HNRNPLL: variants seen among roughly 807,000 people sequenced by gnomAD.
HNRNPLL encodes the protein heterogeneous nuclear ribonucleoprotein L-like.
A neutral mutation model predicts 67.1 loss-of-function variants in HNRNPLL; 25 were observed. The observed-to-expected ratio is 0.37, with a 90% confidence interval of 0.27 to 0.52. HNRNPLL has a LOEUF of 0.52. HNRNPLL is among the 20% of genes least tolerant of loss of function. HNRNPLL has a pLI of 0.90. For missense variants in HNRNPLL, 542 were observed against 673.9 expected, an observed-to-expected ratio of 0.80 and a Z score of 2.17; for synonymous variants, 267 against 241.7, an observed-to-expected ratio of 1.10 and a Z score of -0.97.
chr2:38,593,845 GGAGT>G (rs1667064572), intron 1 of HNRNPLL, among the ~76,000 whole-genome samples: 1 of 134,138 alleles, frequency 7.5e-6, no homozygotes, highest in Admixed American at 7.3e-5. Flanking sequence ...ACTGGGCGAC[GGAGT>G]GAGACTCCGT....
intron 2 of HNRNPLL, among the ~76,000 whole-genome samples, chr2:38,589,410 G>C (rs977828426): frequency 6.6e-6 from 1 of 152,132 alleles, no homozygotes; most frequent in Non-Finnish European, 1.5e-5. Flanking sequence ...ATTTCTATTG[G>C]AAGCTGTTCA....
chr2:38,575,285 G>A (rs1666258093), intron 7 of HNRNPLL, among the ~76,000 whole-genome samples: 1 of 151,724 alleles, frequency 6.6e-6, no homozygotes, highest in African/African-American at 2.4e-5. Flanking sequence ...ATTGATAATA[G>A]AAAGTCTGGG....
intron 7 of HNRNPLL, among the ~76,000 whole-genome samples, chr2:38,576,128 A>G (rs1411991060): frequency 6.6e-6 from 1 of 151,798 alleles, no homozygotes; most frequent in Non-Finnish European, 1.5e-5. Context: ...AGGCAGACTT[A>G]CACTAAGAAA....
chr2:38,599,561 A>G (rs560628807), intron 1 of HNRNPLL, among the ~76,000 whole-genome samples: 1 of 152,204 alleles, frequency 6.6e-6, no homozygotes, highest in African/African-American at 2.4e-5. Flanking sequence ...GAAAAACCCT[A>G]GGAGTTTTTT....
Position 38,565,031 on chromosome 2 carries a change from CA to C in HNRNPLL, c.1574-795del, listed in dbSNP as rs1665803203. Reference sequence around the variant, plus strand: ...AAACAAACCAACTGGGTATACTTCACAAAAATATTTCCATTTTGTAAATTTT... The same window carrying C: ...AAACAAACCAACTGGGTATACTTCACAAAATATTTCCATTTTGTAAATTTT... On this transcript the variant is annotated intron_variant, in intron 12 of 12. Coordinates refer to ENST00000449105, the MANE Select transcript of HNRNPLL (RefSeq NM_138394.4). 2.7e-5 allele frequency among the ~76,000 whole-genome samples: 4 copies of C among 150,102 alleles called. No individual in the cohort carries two copies. The East Asian group carries it at 7.8e-4, about 29-fold the overall frequency.
At chr2:38,568,998 T>C in intron 10 of HNRNPLL, 135 bp downstream of exon 10, 1 of 667,230 alleles carries the variant, frequency 1.5e-6, no homozygotes, top group Non-Finnish European at 2.6e-6. Context: ...GAATAAACTA[T>C]CCAGTACCAA....
chr2:38,574,765 T>C (rs1666234955), intron 7 of HNRNPLL, among the ~76,000 whole-genome samples: 1 of 151,804 alleles, frequency 6.6e-6, no homozygotes, highest in Non-Finnish European at 1.5e-5. Context: ...GGTCATGGAT[T>C]TCAACTACTC....
rs543206418 is a variant in HNRNPLL at position 38,582,336 on chromosome 2, G to C, written c.633-168C>G. 3.9e-5 allele frequency among the ~76,000 whole-genome samples: 6 copies of C among 152,248 alleles called. No homozygotes were observed. The South Asian group carries it at 1.0e-3, about 26-fold the overall frequency. ...ATTTTTTGTTTTGTTTTGTTTTTGA[G>C]ACGGAGTCTTGCTCTATCACCAGGA... On this transcript the variant is annotated intron_variant, in intron 4 of 12. Coordinates refer to ENST00000449105, the MANE Select transcript of HNRNPLL (RefSeq NM_138394.4).
At chr2:38,583,446 A>C (rs1666614976) in intron 4 of HNRNPLL, among the ~76,000 whole-genome samples, 1 of 152,236 alleles carries the variant, frequency 6.6e-6, no homozygotes, top group Admixed American at 6.5e-5. Flanking sequence ...TTTAACATAA[A>C]GAAGTTTTTA....
In HNRNPLL at chr2:38,563,995, A is replaced by C; in HGVS notation, c.*187T>G. ...AGTCTACATTATGATATTCTATCTT[A>C]AAATGAAAACAATTCAATATTTAAG... On this transcript the variant is annotated 3_prime_UTR_variant, in exon 13 of 13. Coordinates refer to ENST00000449105, the MANE Select transcript of HNRNPLL (RefSeq NM_138394.4). 1.8e-6 allele frequency: 1 copy of C among 550,576 alleles called. No individual in the cohort carries two copies. Among genetic ancestry groups the C allele is most frequent in the Non-Finnish European group, 3.2e-6 (1 of 309,448 alleles). 34.1% of individuals were successfully genotyped at this position (550,576 alleles called of 1,614,324 possible).
chr2:38,564,167 C>A lies in HNRNPLL; in HGVS notation c.*15G>T, dbSNP rs772982719. Reference sequence around the variant, plus strand: ...TAATAAAGGTGAACATAAATTCTAACATGCTCTTCTCTTCTTATAAATGGG... The same window carrying A: ...TAATAAAGGTGAACATAAATTCTAAAATGCTCTTCTCTTCTTATAAATGGG... On this transcript the variant is annotated 3_prime_UTR_variant, in exon 13 of 13. Transcript: ENST00000449105. 4 of 1,443,550 alleles carry A rather than the reference C, an allele frequency of 2.8e-6. No individual in the cohort carries two copies. The African/African-American group carries it at 5.6e-5, about 20-fold the overall frequency. The allele number at this position is 1,443,550 out of a possible 1,614,324, so 89.4% of individuals were successfully genotyped here. A position where few individuals can be genotyped will look rare whatever the true frequency, so the allele number is the denominator to read the frequency against.
Position 38,563,554 on chromosome 2 carries a change from G to A in HNRNPLL, c.*628C>T, listed in dbSNP as rs1665739974. 6.6e-6 allele frequency: 1 copy of A among 151,862 alleles called. No individual in the cohort carries two copies. Among genetic ancestry groups the A allele is most frequent in the Admixed American group, 6.6e-5 (1 of 15,260 alleles). The allele number at this position is 151,862 out of a possible 1,614,324, so 9.4% of individuals were successfully genotyped here. A position where few individuals can be genotyped will look rare whatever the true frequency, so the allele number is the denominator to read the frequency against. ...ATCTCCAAACTGGACTAGAAACAGA[G>A]GCATGTCAATACAAATGGACAGTGA... is the stretch of plus-strand genomic sequence containing the variant. On this transcript the variant is annotated 3_prime_UTR_variant, in exon 13 of 13. Coordinates refer to ENST00000449105, the MANE Select transcript of HNRNPLL (RefSeq NM_138394.4).
At chr2:38,570,443 A>G (rs540714822) in intron 8 of HNRNPLL, among the ~76,000 whole-genome samples, 2 of 152,348 alleles carry the variant, frequency 1.3e-5, no homozygotes, top group Non-Finnish European at 2.9e-5. Flanking sequence ...AATTCTGTTA[A>G]TGCAGTAAAC....
chr2:38,588,705 A>C (rs1220601408), intron 2 of HNRNPLL, among the ~76,000 whole-genome samples: 1 of 152,148 alleles, frequency 6.6e-6, no homozygotes, highest in East Asian at 1.9e-4. Flanking sequence ...TGTTACAGAC[A>C]TTTTAGCATG....
intron 6 of HNRNPLL, among the ~76,000 whole-genome samples, chr2:38,578,242 C>A (rs550171157): frequency 1.3e-5 from 2 of 152,162 alleles, no homozygotes; most frequent in South Asian, 2.1e-4. Context: ...TACTACAATA[C>A]TCTAAAGGAT....
intron 12 of HNRNPLL, among the ~76,000 whole-genome samples, chr2:38,566,870 G>A (rs544166983): frequency 6.6e-6 from 1 of 150,432 alleles, no homozygotes; most frequent in East Asian, 1.9e-4. Context: ...ATAAAAAAGT[G>A]CAACTATAAG....
At chr2:38,587,121 A>C (rs1666765210) in intron 2 of HNRNPLL, among the ~76,000 whole-genome samples, 1 of 152,134 alleles carries the variant, frequency 6.6e-6, no homozygotes, top group African/African-American at 2.4e-5. Flanking sequence ...CAATGACATC[A>C]CTGTTTCTCA....
At chr2:38,564,907 C>T (rs1665798198) in intron 12 of HNRNPLL, among the ~76,000 whole-genome samples, 1 of 150,128 alleles carries the variant, frequency 6.7e-6, no homozygotes, top group Non-Finnish European at 1.5e-5. Context: ...CTGGAATGTA[C>T]ATGAAGACAT....
intron 1 of HNRNPLL, chr2:38,601,678 C>T (rs895634139): frequency 6.6e-6 from 1 of 152,172 alleles, no homozygotes; most frequent in African/African-American, 2.4e-5. Flanking sequence ...ACCCTGAGCT[C>T]ACTTCATCCT....
Sources: allele counts gnomAD v4.1 joint callset (sites outside exome capture counted in the v4.1 genomes callset), GRCh38; gene constraint gnomAD v4.1.1; transcripts MANE v1.5; gene names NCBI Gene and HGNC (gene_info 2026-07-23, HGNC 2026-07-21).